CRACD: variants seen among roughly 807,000 people sequenced by gnomAD.
CRACD encodes the protein capping protein-inhibiting regulator of actin dynamics.
In CRACD, 56 loss-of-function variants were observed where a neutral mutation model predicts 106.8. The observed-to-expected ratio is 0.52, with a 90% CI of 0.42 to 0.66. CRACD has a LOEUF of 0.66. Among genes scored for constraint, CRACD ranks in the 30% least tolerant of loss-of-function variants. The pLI, the probability that CRACD is intolerant of heterozygous loss-of-function variation, is 0.00. For missense variants in CRACD, 1,730 were observed against 1,623.2 expected (o/e 1.07, Z -1.13); for synonymous variants, 754 against 670.8 (o/e 1.12, Z -1.92).
intron 1 of CRACD, among the ~76,000 whole-genome samples, chr4:56,178,813 G>A (rs369965660): frequency 2.6e-5 from 4 of 152,154 alleles, no homozygotes; most frequent in African/African-American, 4.8e-5. Context: ...AGCTTTAGAA[G>A]GGATTGTGCA....
At chr4:56,165,036 G>C (rs1355130495) in intron 1 of CRACD, among the ~76,000 whole-genome samples, 1 of 152,160 alleles carries the variant, frequency 6.6e-6, no homozygotes, top group African/African-American at 2.4e-5. Context: ...GACCCAGATG[G>C]CAGTTTCTGG....
chr4:56,269,651 C>T (rs1742234674), intron 2 of CRACD, among the ~76,000 whole-genome samples: 1 of 150,552 alleles, frequency 6.6e-6, no homozygotes, highest in Admixed American at 6.6e-5. Flanking sequence ...CTACAGCCTT[C>T]GCCTCCCAGG....
intron 2 of CRACD, among the ~76,000 whole-genome samples, chr4:56,197,205 C>T (rs1737651883): frequency 1.3e-5 from 2 of 151,190 alleles, no homozygotes; most frequent in South Asian, 2.1e-4. Context: ...TGCAAAATTC[C>T]TTCCAGTAAC....
At chr4:56,294,988 A>G (rs1204336287) in intron 3 of CRACD, among the ~76,000 whole-genome samples, 1 of 151,542 alleles carries the variant, frequency 6.6e-6, no homozygotes, top group Non-Finnish European at 1.5e-5. Context: ...CCAGAAAACC[A>G]GAGCTGAAAA....
chr4:56,143,365 G>T (rs1392270585), intron 1 of CRACD, among the ~76,000 whole-genome samples: 1 of 151,896 alleles, frequency 6.6e-6, no homozygotes, highest in Non-Finnish European at 1.5e-5. Flanking sequence ...CTTTTACTGT[G>T]TCTTTTTTGT....
intron 1 of CRACD, among the ~76,000 whole-genome samples, chr4:56,099,898 G>A (rs757379880): frequency 1.9e-4 from 29 of 152,156 alleles, no homozygotes; most frequent in Non-Finnish European, 2.1e-4. Context: ...CCAGTTGTGT[G>A]TTGTTTTTCC....
chr4:56,250,942 A>T (rs554807246), intron 2 of CRACD, among the ~76,000 whole-genome samples: 2 of 152,324 alleles, frequency 1.3e-5, no homozygotes, highest in South Asian at 2.1e-4. Flanking sequence ...TTTTTCCTTG[A>T]TCTAAAGATT....
intron 2 of CRACD, among the ~76,000 whole-genome samples, chr4:56,233,429 A>G (rs1739765522): frequency 6.6e-6 from 1 of 152,022 alleles, no homozygotes; most frequent in African/African-American, 2.4e-5. Context: ...TTTTTTAACC[A>G]TCATTTGTTG....
intron 1 of CRACD, among the ~76,000 whole-genome samples, chr4:56,101,083 T>C (rs994457109): frequency 6.6e-6 from 1 of 152,152 alleles, no homozygotes; most frequent in African/African-American, 2.4e-5. Context: ...GAAAGGATCT[T>C]AGGCATCATC....
At chr4:56,240,869 T>C (rs1201608485) in intron 2 of CRACD, among the ~76,000 whole-genome samples, 1 of 152,202 alleles carries the variant, frequency 6.6e-6, no homozygotes, top group Non-Finnish European at 1.5e-5. Context: ...TTCTTATGTG[T>C]CTGGTGAGCT....
intron 1 of CRACD, among the ~76,000 whole-genome samples, chr4:56,102,443 G>T: frequency 6.6e-6 from 1 of 152,132 alleles, no homozygotes; most frequent in East Asian, 1.9e-4. Flanking sequence ...CGTATGACTA[G>T]ATCAGTGTTC....
intron 1 of CRACD, among the ~76,000 whole-genome samples, chr4:56,171,848 A>C (rs1247021110): frequency 6.6e-6 from 1 of 152,032 alleles, no homozygotes; most frequent in African/African-American, 2.4e-5. Flanking sequence ...CCATGTGCTC[A>C]TGGTTTCAGA....
chr4:56,270,093 C>T (rs1742260135), intron 2 of CRACD, among the ~76,000 whole-genome samples: 1 of 152,164 alleles, frequency 6.6e-6, no homozygotes, highest in Non-Finnish European at 1.5e-5. Flanking sequence ...TCTGTTTGCA[C>T]CTGTACTAAT....
chr4:56,192,777 C>A (rs1244453374), intron 2 of CRACD, among the ~76,000 whole-genome samples: 2 of 152,068 alleles, frequency 1.3e-5, no homozygotes, highest in Non-Finnish European at 2.9e-5. Context: ...TTTTCCTGAT[C>A]TGAAAAAAAG....
At chr4:56,286,710 T>C (rs569198587) in intron 3 of CRACD, among the ~76,000 whole-genome samples, 4 of 152,208 alleles carry the variant, frequency 2.6e-5, no homozygotes, top group African/African-American at 9.6e-5. Flanking sequence ...CCTGCATTTA[T>C]TTCTGCAGAT....
At position 56,307,636 on chromosome 4, in the gene CRACD, C is replaced by A; in HGVS notation, c.222C>A (p.Phe74Leu). Residue 74 changes from phenylalanine (F) to leucine (L), a missense_variant, in exon 5 of 11, where the codon TTC (phenylalanine) becomes TTA (leucine). Phe to Leu is a conservative substitution (Grantham distance 22, BLOSUM62 0). Coordinates refer to ENST00000682029, the MANE Select transcript of CRACD (RefSeq NM_001393381.1). ...AGGCTAGCTTAGAAGAGGATCTGTT[C>A]CTGACCAGTCCCATGGAAATTGTGA... ...SGEASLEEDL[F>L]LTSPMEIVTQ... 3 of 1,614,184 alleles carry A rather than the reference C, an allele frequency of 1.9e-6. No individual in the cohort carries two copies. Among genetic ancestry groups the A allele is most frequent in the Non-Finnish European group, 2.5e-6 (3 of 1,180,048 alleles).
intron 1 of CRACD, among the ~76,000 whole-genome samples, chr4:56,149,261 T>A (rs1735504830): frequency 6.6e-6 from 1 of 152,178 alleles, no homozygotes; most frequent in African/African-American, 2.4e-5. Context: ...AGGCCAGTGC[T>A]GCCAATTGAT....
At chr4:56,177,540 T>C (rs531364747) in intron 1 of CRACD, among the ~76,000 whole-genome samples, 293 of 152,304 alleles carry the variant, frequency 1.9e-3, no homozygotes, top group African/African-American at 6.4e-3. Flanking sequence ...GTAAAATAAG[T>C]GTGGAAGTAT....
chr4:56,132,281 C>A (rs1349047826), intron 1 of CRACD, among the ~76,000 whole-genome samples: 2 of 152,118 alleles, frequency 1.3e-5, no homozygotes, highest in African/African-American at 4.8e-5. Context: ...GTCAAGCGAC[C>A]CGCCCACCTT....
Sources: gnomAD v4.1 joint callset for allele counts (sites outside exome capture counted in the v4.1 genomes callset) on GRCh38, gnomAD v4.1.1 for gene constraint, MANE v1.5 for transcripts, NCBI Gene and HGNC (gene_info 2026-07-23, HGNC 2026-07-21) for gene names.